GALNT15: variants seen among roughly 807,000 people sequenced by gnomAD.
GALNT15 encodes the protein polypeptide N-acetylgalactosaminyltransferase 15, also known as UDP-GalNAc transferase T15.
Under a neutral mutation model 66.8 loss-of-function variants are expected in GALNT15, and 67 were observed. The ratio of observed to expected loss-of-function variants is 1.00; its 90% confidence interval spans 0.82 to 1.23. The LOEUF is 1.23. Ranked by LOEUF, GALNT15 falls within the 50% of genes most tolerant of loss-of-function variation. The probability of loss-of-function intolerance (pLI) is 0.00; values close to 1 mark genes in which losing one functional copy is unlikely to be tolerated. For missense variants in GALNT15, 827 were observed against 804.3 expected, an observed-to-expected ratio of 1.03 and a Z score of -0.34; for synonymous variants, 313 against 311.5, an observed-to-expected ratio of 1.00 and a Z score of -0.05.
chr3:16,227,693 TTAA>T lies in GALNT15; in HGVS notation c.*194_*196del. ...CTTATTTCATTGACTGCTGGCTGCT[TTAA>T]AAAAAAAAAAAAAGGATCCATTGTA... On this transcript the variant is annotated 3_prime_UTR_variant, in exon 10 of 10. Coordinates refer to ENST00000339732, the MANE Select transcript of GALNT15 (RefSeq NM_054110.5). The surrounding 1 kb of genome is among the most constrained non-coding windows in gnomAD (Gnocchi z 4.5). The T allele has an allele frequency of 2.2e-5, 27 of 1,255,580 alleles. No homozygotes were observed. Among genetic ancestry groups the T allele is most frequent in the East Asian group, 1.2e-4 (4 of 32,882 alleles). 77.8% of individuals were successfully genotyped at this position (1,255,580 alleles called of 1,614,324 possible).
Position 16,227,809 on chromosome 3 carries a change from C to G in GALNT15, c.*309C>G. 2.7e-6 allele frequency: 3 copies of G among 1,119,174 alleles called. No homozygotes were observed. Among genetic ancestry groups the G allele is most frequent in the Non-Finnish European group, 3.3e-6 (3 of 915,034 alleles). The allele number at this position is 1,119,174 out of a possible 1,614,324, so 69.3% of individuals were successfully genotyped here. A position where few individuals can be genotyped will look rare whatever the true frequency, so the allele number is the denominator to read the frequency against. On this transcript the variant is annotated 3_prime_UTR_variant, in exon 10 of 10. Transcript: ENST00000339732. This position sits in a 1 kb window ranked among gnomAD's most constrained non-coding sequence, Gnocchi z 4.5. ...ACTGAGCACTTAACAATTGCTTTCT[C>G]TCTGGCCTGGACATTCTCTGGCAGC...
rs916437434 is a variant in GALNT15, at chr3:16,183,671, G to A, written c.539+7981G>A. Among the ~76,000 whole-genome samples, 1 of 152,218 alleles carries A rather than the reference G, an allele frequency of 6.6e-6. No homozygotes were observed. Among genetic ancestry groups the A allele is most frequent in the Non-Finnish European group, 1.5e-5 (1 of 68,026 alleles). ...CATCAGTGGGATCAGGGCTGAGATA[G>A]AGAAGCCTATCCGAGTGGGGCGCCT... On this transcript the variant is annotated intron_variant, in intron 1 of 9. Transcript: ENST00000339732. The surrounding 1 kb of genome is among the most constrained non-coding windows in gnomAD (Gnocchi z 5.2).
chr3:16,233,092 A>ATTTTTTTTTTTTTTT (rs771943641), downstream of GALNT15, among the ~76,000 whole-genome samples: 1 of 48,070 alleles, frequency 2.1e-5, no homozygotes, highest in Non-Finnish European at 4.2e-5. Context: ...AGGATAATGC[A>ATTTTTTTTTTTTTTT]TCTTTTTTTT....
At position 16,228,092 on chromosome 3, in the gene GALNT15, T is replaced by C; in HGVS notation, c.*592T>C. The C allele has an allele frequency of 3.0e-6, 3 of 986,092 alleles. No individual in the cohort carries two copies. Among genetic ancestry groups the C allele is most frequent in the Non-Finnish European group, 3.6e-6 (3 of 830,128 alleles). 61.1% of individuals were successfully genotyped at this position (986,092 alleles called of 1,614,324 possible). On this transcript the variant is annotated 3_prime_UTR_variant, in exon 10 of 10. Coordinates refer to ENST00000339732, the MANE Select transcript of GALNT15 (RefSeq NM_054110.5). ...ATGCAAGAGCACTTTGGCCCAATTCTCCAGCTCAACCCAGCAGCTGAAAAG... is the reference window on the plus strand; with the variant it reads ...ATGCAAGAGCACTTTGGCCCAATTCCCCAGCTCAACCCAGCAGCTGAAAAG...
Position 16,193,770 on chromosome 3 carries a change from T to G in GALNT15, c.540-1990T>G, listed in dbSNP as rs1173411090. On this transcript the variant is annotated intron_variant, in intron 1 of 9. Coordinates refer to ENST00000339732, the MANE Select transcript of GALNT15 (RefSeq NM_054110.5). This position sits in a 1 kb window ranked among gnomAD's most constrained non-coding sequence, Gnocchi z 4.7. Reference sequence around the variant, plus strand: ...CAGATTCCTTTAGGTGTCCGAAGTTTGGGGTCCTTGAGATGGCTCCTATTC... The same window carrying G: ...CAGATTCCTTTAGGTGTCCGAAGTTGGGGGTCCTTGAGATGGCTCCTATTC... Among the ~76,000 whole-genome samples, 1 of 152,198 alleles carries G rather than the reference T, an allele frequency of 6.6e-6. No individual in the cohort carries two copies. Among genetic ancestry groups the G allele is most frequent in the African/African-American group, 2.4e-5 (1 of 41,446 alleles).
At chr3:16,214,906 C>T (rs1023309874) in intron 6 of GALNT15, among the ~76,000 whole-genome samples, 1 of 152,222 alleles carries the variant, frequency 6.6e-6, no homozygotes, top group African/African-American at 2.4e-5. Flanking sequence ...GTCCACAGAG[C>T]TTCTCTGGTT....
chr3:16,186,818 G>C lies in GALNT15; in HGVS notation c.540-8942G>C, dbSNP rs1301739631. On this transcript the variant is annotated intron_variant, in intron 1 of 9. Transcript: ENST00000339732. This position sits in a 1 kb window ranked among gnomAD's most constrained non-coding sequence, Gnocchi z 5.1. ...AGTGGGAAGTGACTGCCAATGGGTA[G>C]TAGGTTTTTGGGGGTGGGGTGTTGA... Among the ~76,000 whole-genome samples the C allele has an allele frequency of 1.3e-5, 2 of 152,212 alleles. No individual in the cohort carries two copies. The highest frequency in any genetic ancestry group is 2.9e-5 in the Non-Finnish European group (2 of 68,026).
rs918393109 is a variant in GALNT15, at chr3:16,200,800, C to T, written c.888C>T (p.Leu296=). ...CECHPGWLEP[L]LSRIAGDRSR... Reference sequence around the variant, plus strand: ...GCCACCCAGGCTGGCTGGAGCCCCTCCTCAGCAGAATAGCTGGTGACAGGT... The same window carrying T: ...GCCACCCAGGCTGGCTGGAGCCCCTTCTCAGCAGAATAGCTGGTGACAGGT... The change falls in exon 3 of 10, where the codon CTC becomes CTT. Residue 296 remains leucine, a synonymous_variant. Transcript: ENST00000339732. This position sits in a 1 kb window ranked among gnomAD's most constrained non-coding sequence, Gnocchi z 4.4. 1 of 1,609,908 alleles carries T rather than the reference C, an allele frequency of 6.2e-7. No homozygotes were observed. Among genetic ancestry groups the T allele is most frequent in the South Asian group, 1.1e-5 (1 of 90,364 alleles).
Position 16,227,415 on chromosome 3 carries a change from A to T in GALNT15, c.1835A>T (p.Asn612Ile). The T allele has an allele frequency of 6.2e-7, 1 of 1,614,176 alleles. No homozygotes were observed. The highest frequency in any genetic ancestry group is 1.1e-5 in the South Asian group (1 of 91,080). The change falls in exon 10 of 10, where the codon AAT (asparagine) becomes ATT (isoleucine). Residue 612 changes from asparagine to isoleucine, a missense_variant. Physicochemically the swap from Asn to Ile is moderately radical, Grantham distance 149. Coordinates refer to ENST00000339732, the MANE Select transcript of GALNT15 (RefSeq NM_054110.5). The surrounding 1 kb of genome is among the most constrained non-coding windows in gnomAD (Gnocchi z 4.5). ...ATGGAAGCTGTGGTGCAAGAAAACA[A>T]TAAAGATTTGTACCTGCGTCCGTGT... ...KCMEAVVQEN[N>I]KDLYLRPCDG... is the part of the protein sequence containing the mutation.
Position 16,219,680 on chromosome 3 carries a change from C to T in GALNT15, c.1524+146C>T. 2 of 1,204,570 alleles carry T rather than the reference C, an allele frequency of 1.7e-6. No homozygotes were observed. Among genetic ancestry groups the T allele is most frequent in the South Asian group, 2.9e-5 (2 of 70,088 alleles). 74.6% of individuals were successfully genotyped at this position (1,204,570 alleles called of 1,614,324 possible). On this transcript the variant is annotated intron_variant, in intron 7 of 9. Coordinates refer to ENST00000339732, the MANE Select transcript of GALNT15 (RefSeq NM_054110.5). The surrounding 1 kb of genome is among the most constrained non-coding windows in gnomAD (Gnocchi z 4.3). ...TTGGGTCCATCCCGTGCCTCCATGC[C>T]AGTCTGAGGAAGGTGGCTGAGTTTT...
rs1574965358 is a variant in GALNT15 at position 16,176,065 on chromosome 3, C to A, written c.539+375C>A. Among the ~76,000 whole-genome samples, 1 of 151,986 alleles carries A rather than the reference C, an allele frequency of 6.6e-6. No individual in the cohort carries two copies. Among genetic ancestry groups the A allele is most frequent in the African/African-American group, 2.4e-5 (1 of 41,252 alleles). On this transcript the variant is annotated intron_variant, in intron 1 of 9. Coordinates refer to ENST00000339732, the MANE Select transcript of GALNT15 (RefSeq NM_054110.5). The surrounding 1 kb of genome is among the most constrained non-coding windows in gnomAD (Gnocchi z 5.6). Reference sequence around the variant, plus strand: ...AGGTCAAATGGCTTTATTTCTATAACACAGAAGGGAGGTTAGAGCAGACAT... The same window carrying A: ...AGGTCAAATGGCTTTATTTCTATAAAACAGAAGGGAGGTTAGAGCAGACAT...
chr3:16,182,339 C>T lies in GALNT15; in HGVS notation c.539+6649C>T, dbSNP rs1043938207. On this transcript the variant is annotated intron_variant, in intron 1 of 9. Coordinates refer to ENST00000339732, the MANE Select transcript of GALNT15 (RefSeq NM_054110.5). The surrounding 1 kb of genome is among the most constrained non-coding windows in gnomAD (Gnocchi z 6.1). ...ACCAATGAGTCGTCATGTCAAGGCT[C>T]CAAAGCAGACCAAGTAAATGTGATT... Among the ~76,000 whole-genome samples the T allele has an allele frequency of 1.1e-4, 16 of 152,188 alleles. No individual in the cohort carries two copies. Among genetic ancestry groups the T allele is most frequent in the Admixed American group, 7.2e-4 (11 of 15,274 alleles).
At chr3:16,233,111 T>TTTTTTTTC (rs1219622222), downstream of GALNT15, among the ~76,000 whole-genome samples, 1 of 136,754 alleles carries the variant, frequency 7.3e-6, no homozygotes, top group Admixed American at 7.4e-5. Flanking sequence ...TTTTTTTTTT[T>TTTTTTTTC]TTGAAACGGA....
chr3:16,175,075 C>T lies in GALNT15; in HGVS notation c.-77C>T, dbSNP rs1401441859. The T allele has an allele frequency of 7.0e-7, 1 of 1,433,216 alleles. No homozygotes were observed. Among genetic ancestry groups the T allele is most frequent in the African/African-American group, 1.4e-5 (1 of 70,938 alleles). 88.8% of individuals were successfully genotyped at this position (1,433,216 alleles called of 1,614,324 possible). ...GGTGGAACAAGCAACCCAGGTTCTG[C>T]TGCAAGCTTGAAGGAGCCTGGAGCG... is the stretch of plus-strand genomic sequence containing the variant. On this transcript the variant is annotated 5_prime_UTR_variant, in exon 1 of 10. Coordinates refer to ENST00000339732, the MANE Select transcript of GALNT15 (RefSeq NM_054110.5). The surrounding 1 kb of genome is among the most constrained non-coding windows in gnomAD (Gnocchi z 5.6).
downstream of GALNT15, among the ~76,000 whole-genome samples, chr3:16,234,320 TTTC>T (rs1177941471): frequency 2.0e-5 from 3 of 152,198 alleles, no homozygotes; most frequent in East Asian, 5.8e-4. Flanking sequence ...TTCACCTGGG[TTTC>T]TTTTTTTTTT....
the GALNT15 span, among the ~76,000 whole-genome samples, chr3:16,244,437 T>C: frequency 6.6e-6 from 1 of 152,234 alleles, no homozygotes; most frequent in Non-Finnish European, 1.5e-5. Flanking sequence ...TTAAACAGGA[T>C]TCTGAACTTA....
downstream of GALNT15, chr3:16,231,870 G>A (rs1463849812): frequency 4.6e-6 from 7 of 1,536,148 alleles, no homozygotes; most frequent in Non-Finnish European, 3.5e-6. This position sits in a 1 kb window ranked among gnomAD's most constrained non-coding sequence, Gnocchi z 4.1. Flanking sequence ...TGAACAATGG[G>A]TAGGACATCA....
At chr3:16,216,356 G>C (rs1164504602) in intron 6 of GALNT15, among the ~76,000 whole-genome samples, 1 of 152,110 alleles carries the variant, frequency 6.6e-6, no homozygotes, top group African/African-American at 2.4e-5. Flanking sequence ...AAAATTAGCT[G>C]GGCGTGGTGG....
At chr3:16,213,738 T>C (rs77154655) in intron 6 of GALNT15, among the ~76,000 whole-genome samples, 13,760 of 152,194 alleles carry the variant, frequency 0.09, 777 homozygotes, top group South Asian at 0.22. Context: ...GTGAGTTAGA[T>C]GTGAGTTTGC....
Sources: gnomAD v4.1 joint callset for allele counts (sites outside exome capture counted in the v4.1 genomes callset) on GRCh38, gnomAD v4.1.1 for gene constraint, Gnocchi (gnomAD v3.1) non-coding constraint, MANE v1.5 for transcripts, NCBI Gene and HGNC (gene_info 2026-07-23, HGNC 2026-07-21) for gene names.